The following TMIGD3 variants were observed in gnomAD, a reference collection of about 807,000 sequenced individuals.
TMIGD3 encodes the protein transmembrane and immunoglobulin domain containing 3.
In TMIGD3, 21 loss-of-function variants were observed where a neutral mutation model predicts 28.1. The observed-to-expected ratio is 0.75, with a 90% CI of 0.53 to 1.08. TMIGD3 has a LOEUF of 1.08. Ranked by LOEUF, TMIGD3 falls within the 50% of genes least tolerant of loss-of-function variation. The pLI, the probability that TMIGD3 is intolerant of heterozygous loss-of-function variation, is 0.00. For synonymous variants in TMIGD3, 151 were observed against 162.1 expected (o/e 0.93, Z 0.52); for missense variants, 416 against 435.6 (o/e 0.96, Z 0.40).
chr1:111,492,074 A>C (rs1202761028), intron 1 of TMIGD3, among the ~76,000 whole-genome samples: 1 of 152,202 alleles, frequency 6.6e-6, no homozygotes, highest in Non-Finnish European at 1.5e-5. Flanking sequence ...CCCTCTTGGG[A>C]AAGTCAGCCA....
chr1:111,545,649 G>T (rs1337291065), intron 1 of TMIGD3, among the ~76,000 whole-genome samples: 1 of 151,944 alleles, frequency 6.6e-6, no homozygotes, highest in Non-Finnish European at 1.5e-5. Context: ...TTCTCTATTT[G>T]TCTTTTATTG....
intron 1 of TMIGD3, among the ~76,000 whole-genome samples, chr1:111,491,838 C>T (rs545213306): frequency 2.0e-5 from 3 of 152,316 alleles, no homozygotes; most frequent in Admixed American, 6.5e-5. Flanking sequence ...GACAGTGATA[C>T]TATTAGGATA....
At chr1:111,483,876 G>T in intron 5 of TMIGD3, 119 bp from the exon 6 acceptor site, 1 of 749,008 alleles carries the variant, frequency 1.3e-6, no homozygotes, top group Non-Finnish European at 2.3e-6. Flanking sequence ...CTAAACACAA[G>T]TTTATTTTCA....
chr1:111,492,135 C>T (rs1654696977), intron 1 of TMIGD3, among the ~76,000 whole-genome samples: 2 of 152,154 alleles, frequency 1.3e-5, no homozygotes, highest in Admixed American at 1.3e-4. Context: ...AACCAATTCA[C>T]CAGACATGTG....
rs777715402 is a variant in TMIGD3 at position 111,488,999 on chromosome 1, G to C, written c.483C>G (p.Val161=). ...CCGTGTCCAGCACAAAGCTTCTCTT[G>C]ACCTTTTCATCCATGACCATGGCAT... ...ISDAMVMDEK[V]KRSFVLDTAS... is the part of the protein sequence containing the mutation. Residue 161 remains valine, a synonymous_variant, in exon 3 of 6, where the codon GTC becomes GTG. Coordinates refer to ENST00000369716, the MANE Select transcript of TMIGD3 (RefSeq NM_020683.7). The C allele has an allele frequency of 2.0e-5, 33 of 1,612,696 alleles. No individual in the cohort carries two copies. The South Asian group carries it at 3.0e-4, about 15-fold the overall frequency.
intron 1 of TMIGD3, among the ~76,000 whole-genome samples, chr1:111,515,899 A>G (rs993365909): frequency 2.0e-5 from 3 of 152,244 alleles, no homozygotes; most frequent in African/African-American, 7.2e-5. Flanking sequence ...CGCAGAGGTC[A>G]GCACAGCCCC....
intron 1 of TMIGD3, among the ~76,000 whole-genome samples, chr1:111,556,665 T>C (rs1277538579): frequency 6.6e-6 from 1 of 152,172 alleles, no homozygotes; most frequent in Non-Finnish European, 1.5e-5. Context: ...AGATGAATAT[T>C]GTATGATTCC....
At chr1:111,494,805 A>G (rs932006287) in intron 1 of TMIGD3, among the ~76,000 whole-genome samples, 3 of 152,214 alleles carry the variant, frequency 2.0e-5, no homozygotes, top group Non-Finnish European at 4.4e-5. Context: ...AGACACATAG[A>G]CCAATGGAAT....
At chr1:111,485,871 C>T (rs772260572) in intron 4 of TMIGD3, 31 bp from the exon 5 acceptor site, 5 of 1,556,566 alleles carry the variant, frequency 3.2e-6, no homozygotes, top group East Asian at 2.3e-5. Flanking sequence ...TTTCATGTTG[C>T]TTGGAAGAAA....
intron 1 of TMIGD3, among the ~76,000 whole-genome samples, chr1:111,502,170 TAATA>T (rs1655236541): frequency 8.7e-5 from 6 of 68,650 alleles, no homozygotes; most frequent in East Asian, 7.9e-4. Flanking sequence ...ATATTTATTA[TAATA>T]AATATATAGG....
intron 1 of TMIGD3, among the ~76,000 whole-genome samples, chr1:111,502,213 T>G (rs111722409): frequency 0.01 from 366 of 35,336 alleles, 8 homozygotes; most frequent in Non-Finnish European, 0.015. Flanking sequence ...ATATATAGGA[T>G]ATATATTTAT....
chr1:111,529,376 C>T (rs6657005), intron 1 of TMIGD3, among the ~76,000 whole-genome samples: 44,011 of 100,690 alleles, frequency 0.44, 6,867 homozygotes, highest in East Asian at 0.59. Context: ...TTCTTTCTTT[C>T]TTTTTTTTTT....
intron 1 of TMIGD3, among the ~76,000 whole-genome samples, chr1:111,497,532 G>C (rs1215487756): frequency 6.6e-6 from 1 of 152,104 alleles, no homozygotes; most frequent in Non-Finnish European, 1.5e-5. Flanking sequence ...TATTTTCACT[G>C]TACGGACTCC....
chr1:111,533,229 G>A (rs1656513202), intron 1 of TMIGD3, among the ~76,000 whole-genome samples: 1 of 152,180 alleles, frequency 6.6e-6, no homozygotes, highest in South Asian at 2.1e-4. Context: ...TCATATTTAA[G>A]TGTGGGTTAT....
intron 1 of TMIGD3, 131 bp from the exon 2 acceptor site, chr1:111,490,893 T>C (rs2252198): frequency 0.6 from 393,116 of 654,266 alleles, 120,691 homozygotes; most frequent in Admixed American, 0.7. Flanking sequence ...CAATGCACCA[T>C]ACCACATGCT....
At chr1:111,541,668 GAGAGAGAGAGAA>G (rs1450188299) in intron 1 of TMIGD3, among the ~76,000 whole-genome samples, 2 of 138,944 alleles carry the variant, frequency 1.4e-5, no homozygotes, top group African/African-American at 6.7e-5. Flanking sequence ...AGGAAAATGA[GAGAGAGAGAGAA>G]AGAGAGAGAG....
intron 1 of TMIGD3, among the ~76,000 whole-genome samples, chr1:111,535,140 G>A (rs887626399): frequency 1.3e-5 from 2 of 152,070 alleles, no homozygotes; most frequent in African/African-American, 2.4e-5. Context: ...CTAATATTGA[G>A]GATTCAATGA....
intron 1 of TMIGD3, among the ~76,000 whole-genome samples, chr1:111,538,970 G>A (rs1656731526): frequency 6.6e-6 from 1 of 151,998 alleles, no homozygotes; most frequent in African/African-American, 2.4e-5. Flanking sequence ...CCCCCAATGG[G>A]CCTGATCCCC....
chr1:111,551,160 A>G (rs1657240264), intron 1 of TMIGD3, among the ~76,000 whole-genome samples: 1 of 152,130 alleles, frequency 6.6e-6, no homozygotes, highest in Non-Finnish European at 1.5e-5. Context: ...CAAACAGCAT[A>G]TAGTTGGATC....
Sources: gnomAD v4.1 joint callset for allele counts (sites outside exome capture counted in the v4.1 genomes callset) on GRCh38, gnomAD v4.1.1 for gene constraint, MANE v1.5 for transcripts, NCBI Gene and HGNC (gene_info 2026-07-23, HGNC 2026-07-21) for gene names.